FBXO41: variants seen among roughly 807,000 people sequenced by gnomAD.
FBXO41 encodes the protein F-box only protein 41.
Under a neutral mutation model 81.6 loss-of-function variants are expected in FBXO41, and 33 were observed. The ratio of observed to expected loss-of-function variants is 0.40; its 90% CI spans 0.31 to 0.54. The LOEUF is 0.54. Among genes scored for constraint, FBXO41 ranks in the 20% least tolerant of loss-of-function variants. FBXO41 has a pLI of 0.39. For missense variants in FBXO41, 1,107 were observed against 1,236.0 expected (o/e 0.90, Z 1.56); for synonymous variants, 576 against 552.7 (o/e 1.04, Z -0.59).
At chr2:73,276,560 C>CAGAGAGAGAGAGAGAGAGAGAGAG (rs533998261) in intron 1 of FBXO41, among the ~76,000 whole-genome samples, 6 of 106,414 alleles carry the variant, frequency 5.6e-5, no homozygotes, top group Non-Finnish European at 7.3e-5. Context: ...CAAATCTATT[C>CAGAGAGAGAGAGAGAGAGAGAGAG]AGAGAGAGAG....
chr2:73,271,631 C>CCG (rs1553384775), intron 1 of FBXO41: 1 of 147,498 alleles, frequency 6.8e-6, no homozygotes, highest in Non-Finnish European at 1.5e-5. Context: ...ACTCCCCCCC[C>CCG]CCCAACTTCT....
Position 73,259,150 on chromosome 2 carries a change from G to A in FBXO41, c.2565+31C>T, listed in dbSNP as rs1687919895. ...CCCCAGTCTAGGGATGCCACTTGGGGTCTTGGACAGCCTCAGAGCTGACCC... is the reference window on the plus strand; with the variant it reads ...CCCCAGTCTAGGGATGCCACTTGGGATCTTGGACAGCCTCAGAGCTGACCC... On this transcript the variant is annotated intron_variant, in intron 12 of 12. Coordinates refer to ENST00000520530, the MANE Select transcript of FBXO41 (RefSeq NM_001371389.2). The surrounding 1 kb of genome is among the most constrained non-coding windows in gnomAD (Gnocchi z 4.2). 2.5e-6 allele frequency: 4 copies of A among 1,613,036 alleles called. No individual in the cohort carries two copies. The highest frequency in any genetic ancestry group is 3.4e-6 in the Non-Finnish European group (4 of 1,179,036).
At chr2:73,272,519 C>G (rs1023454378) in intron 1 of FBXO41, among the ~76,000 whole-genome samples, 2 of 152,236 alleles carry the variant, frequency 1.3e-5, no homozygotes, top group Non-Finnish European at 2.9e-5. Context: ...TGAACCCTTC[C>G]TGCTGTGCCC....
rs760493770 is a variant in FBXO41 at position 73,265,618 on chromosome 2, C to T, written c.1228G>A (p.Ala410Thr). 35 of 1,519,048 alleles carry T rather than the reference C, an allele frequency of 2.3e-5. No individual in the cohort carries two copies. Among genetic ancestry groups the T allele is most frequent in the East Asian group, 4.6e-5 (2 of 43,924 alleles). The allele number at this position is 1,519,048 out of a possible 1,614,324, so 94.1% of individuals were successfully genotyped here. ...TCATAGCAGCCTGAGCTCTGGGATG[C>T]GGCTGGCACACGGCTGGAGGCCCTG... ...STGASSRVPA[A>T]SQSSGCYDSD... The change falls in exon 5 of 13, where the codon GCA becomes ACA. Residue 410 changes from alanine to threonine, a missense_variant. Ala to Thr is a moderately conservative substitution (Grantham distance 58). Coordinates refer to ENST00000520530, the MANE Select transcript of FBXO41 (RefSeq NM_001371389.2).
chr2:73,264,595 C>A, intron 5 of FBXO41, 76 bp from the exon 6 acceptor site: 1 of 1,582,100 alleles, frequency 6.3e-7, no homozygotes, highest in Non-Finnish European at 8.6e-7. Flanking sequence ...GGAGCTGGGG[C>A]AGGGTAGGAT....
rs752642596 is a variant in FBXO41, at chr2:73,260,349, G to A, written c.2449+40C>T. 1.9e-6 allele frequency: 3 copies of A among 1,593,800 alleles called. No individual in the cohort carries two copies. The highest frequency in any genetic ancestry group is 1.1e-5 in the South Asian group (1 of 88,558). ...ACCTGCTGACAGGGCCCCGTGGCAG[G>A]TGATAGTCGTACCCTGCCCCTCATT... On this transcript the variant is annotated intron_variant, in intron 11 of 12. Transcript: ENST00000520530. The surrounding 1 kb of genome is among the most constrained non-coding windows in gnomAD (Gnocchi z 5.0).
intron 9 of FBXO41, among the ~76,000 whole-genome samples, chr2:73,261,061 CTTT>C (rs35503109): frequency 6.9e-6 from 1 of 145,412 alleles, no homozygotes; most frequent in Admixed American, 6.9e-5. Context: ...CCCAAGCACT[CTTT>C]TTTTTTTTTT....
Position 73,260,260 on chromosome 2 carries a change from C to T in FBXO41, c.2449+129G>A. 7 of 1,274,956 alleles carry T rather than the reference C, an allele frequency of 5.5e-6. No homozygotes were observed. The highest frequency in any genetic ancestry group is 7.6e-6 in the Non-Finnish European group (7 of 926,532). The allele number at this position is 1,274,956 out of a possible 1,614,324, so 79.0% of individuals were successfully genotyped here. A position where few individuals can be genotyped will look rare whatever the true frequency, so the allele number is the denominator to read the frequency against. On this transcript the variant is annotated intron_variant, in intron 11 of 12. Coordinates refer to ENST00000520530, the MANE Select transcript of FBXO41 (RefSeq NM_001371389.2). This position sits in a 1 kb window ranked among gnomAD's most constrained non-coding sequence, Gnocchi z 5.0. ...AGGCTCTAGAACCAGTGCTCTTAAC[C>T]TGTCCCCCTGCCTCTGCCCTTGGCT...
chr2:73,270,246 G>A (rs932920989), intron 1 of FBXO41, among the ~76,000 whole-genome samples: 6 of 152,144 alleles, frequency 3.9e-5, no homozygotes, highest in Admixed American at 3.3e-4. Flanking sequence ...CAGCATAGAG[G>A]TCCCCAGCTG....
intron 2 of FBXO41, 113 bp downstream of exon 2, chr2:73,268,613 T>A (rs2103885257): frequency 9.4e-7 from 1 of 1,068,320 alleles, no homozygotes; most frequent in Non-Finnish European, 1.3e-6. Flanking sequence ...ACGGATCCTC[T>A]ATTACAAAGC....
Position 73,269,105 on chromosome 2 carries a change from C to T in FBXO41, c.526G>A (p.Gly176Ser). 1 of 1,506,648 alleles carries T rather than the reference C, an allele frequency of 6.6e-7. No individual in the cohort carries two copies. Among genetic ancestry groups the T allele is most frequent in the Non-Finnish European group, 8.8e-7 (1 of 1,135,760 alleles). The allele number at this position is 1,506,648 out of a possible 1,614,324, so 93.3% of individuals were successfully genotyped here. The change falls in exon 2 of 13, where the codon GGC becomes AGC. Residue 176 changes from glycine to serine, a missense_variant. Gly to Ser is a moderately conservative substitution (Grantham distance 56). Transcript: ENST00000520530. This position sits in a 1 kb window ranked among gnomAD's most constrained non-coding sequence, Gnocchi z 7.0. ...SACSTPPPGP[G>S]PGPCPGPASA... The stretch of plus-strand genomic sequence containing the variant: ...GCAGGCCCGGGGCAAGGGCCGGGGC[C>T]GGGGCCAGGCGGCGGCGTCGAGCAC...
intron 1 of FBXO41, among the ~76,000 whole-genome samples, chr2:73,270,017 C>A (rs1278293103): frequency 6.6e-6 from 1 of 152,136 alleles, no homozygotes; most frequent in Non-Finnish European, 1.5e-5. Flanking sequence ...ATGGTTCCAA[C>A]CTGGAAACGA....
intron 1 of FBXO41, among the ~76,000 whole-genome samples, chr2:73,276,399 C>T (rs1688681939): frequency 1.3e-5 from 2 of 151,720 alleles, no homozygotes; most frequent in African/African-American, 4.9e-5. Flanking sequence ...AAGAGCAAAA[C>T]TCCATCTCAA....
Position 73,266,089 on chromosome 2 carries a change from A to G in FBXO41, c.1132-123T>C, listed in dbSNP as rs1389221200. The G allele has an allele frequency of 1.1e-6, 1 of 870,214 alleles. No individual in the cohort carries two copies. The highest frequency in any genetic ancestry group is 1.7e-5 in the African/African-American group (1 of 59,768). The allele number at this position is 870,214 out of a possible 1,614,324, so 53.9% of individuals were successfully genotyped here. A position where few individuals can be genotyped will look rare whatever the true frequency, so the allele number is the denominator to read the frequency against. On this transcript the variant is annotated intron_variant, in intron 3 of 12. Coordinates refer to ENST00000520530, the MANE Select transcript of FBXO41 (RefSeq NM_001371389.2). The surrounding 1 kb of genome is among the most constrained non-coding windows in gnomAD (Gnocchi z 5.3). ...ATGGGGGAGAGGAGAGAGAAGGGAA[A>G]ATAGTTGGGAAAGATGGACAAATGG...
chr2:73,264,293 G>A lies in FBXO41; in HGVS notation c.1791C>T (p.Ala597=). 1 of 1,613,530 alleles carries A rather than the reference G, an allele frequency of 6.2e-7. No homozygotes were observed. Among genetic ancestry groups the A allele is most frequent in the South Asian group, 1.1e-5 (1 of 91,068 alleles). The change falls in exon 6 of 13, where the codon GCC becomes GCT. Residue 597 remains alanine, a synonymous_variant. Transcript: ENST00000520530. Reference sequence around the variant, plus strand: ...GGGCAGGTACCTTGGAGCAGACACGGGCATTCTCAAGCAGCACCCTTGTCC... The same window carrying A: ...GGGCAGGTACCTTGGAGCAGACACGAGCATTCTCAAGCAGCACCCTTGTCC... ...AVWTRVLLEN[A]RVCSKFLAML...
In FBXO41 at chr2:73,268,893, G is replaced by T; in HGVS notation, c.738C>A (p.Ala246=). Residue 246 remains alanine, a synonymous_variant, in exon 2 of 13, where the codon GCC becomes GCA. Transcript: ENST00000520530. ...TCTCCTGCCGCGCAGTCTCCAGTTC[G>T]GCCGCCTTGCGCTCCAGCTCGGCCT... ...RLQAELERKA[A]ELETARQESA... is the part of the protein sequence containing the mutation. The T allele has an allele frequency of 6.4e-7, 1 of 1,552,728 alleles. No individual in the cohort carries two copies. The highest frequency in any genetic ancestry group is 8.7e-7 in the Non-Finnish European group (1 of 1,151,494).
At position 73,264,291 on chromosome 2, in the gene FBXO41, C is replaced by T. The variant is rs780664211; in HGVS notation, c.1793G>A (p.Arg598His). 4.5e-5 allele frequency: 72 copies of T among 1,613,426 alleles called. No homozygotes were observed. Among genetic ancestry groups the T allele is most frequent in the Middle Eastern group, 1.6e-4 (1 of 6,062 alleles). ...VWTRVLLENA[R>H]VCSKFLAMLA... ...AGGGGCAGGTACCTTGGAGCAGACA[C>T]GGGCATTCTCAAGCAGCACCCTTGT... is the stretch of plus-strand genomic sequence containing the variant. Residue 598 changes from arginine to histidine, a missense_variant, in exon 6 of 13, where the codon CGT becomes CAT. Arg to His is a conservative substitution (Grantham distance 29). Coordinates refer to ENST00000520530, the MANE Select transcript of FBXO41 (RefSeq NM_001371389.2).
rs755167095 is a variant in FBXO41 at position 73,263,715 on chromosome 2, T to C, written c.2038A>G (p.Ser680Gly). The change falls in exon 8 of 13, where the codon AGC (serine) becomes GGC (glycine). Residue 680 changes from serine to glycine, a missense_variant. Physicochemically the swap from Ser to Gly is moderately conservative, Grantham distance 56 (BLOSUM62 0). Around this residue, in one of 2 missense-constraint regions of FBXO41, gnomAD observed 336 missense variants for 446.7 expected, o/e 0.75. Coordinates refer to ENST00000520530, the MANE Select transcript of FBXO41 (RefSeq NM_001371389.2). ...GCCTGCAGGGCACGGCAGTAGCAGC[T>C]GGCCAGCCAGAGCGAGCGGTCGGTG... ...ILTDRSLWLASCYCRALQAVT... is the reference protein window; with the variant it reads ...ILTDRSLWLAGCYCRALQAVT... The C allele has an allele frequency of 1.2e-6, 2 of 1,613,852 alleles. No homozygotes were observed. Among genetic ancestry groups the C allele is most frequent in the Non-Finnish European group, 1.7e-6 (2 of 1,179,876 alleles).
At chr2:73,279,193 C>A (rs1043061252) in intron 1 of FBXO41, among the ~76,000 whole-genome samples, 4 of 151,920 alleles carry the variant, frequency 2.6e-5, no homozygotes, top group Non-Finnish European at 5.9e-5. Context: ...GGATGAGGCT[C>A]GGGTTTGGGT....
Sources: allele counts gnomAD v4.1 joint callset (sites outside exome capture counted in the v4.1 genomes callset), GRCh38; gene constraint gnomAD v4.1.1; regional missense constraint gnomAD v4.1.1; non-coding constraint Gnocchi (gnomAD v3.1); transcripts MANE v1.5; gene names NCBI Gene and HGNC (gene_info 2026-07-23, HGNC 2026-07-21).